COL4A2: variants seen among roughly 807,000 people sequenced by gnomAD.
COL4A2 encodes collagen type IV alpha 2 chain, also known as collagen alpha-2(IV) chain.
A neutral mutation model predicts 200.2 loss-of-function variants in COL4A2; 99 were observed. The observed-to-expected ratio is 0.49, with a 90% CI of 0.42 to 0.58. COL4A2 has a LOEUF of 0.58. Among genes scored for constraint, COL4A2 ranks in the 20% least tolerant of loss-of-function variants. The pLI is 0.00. For missense variants in COL4A2, 1,950 were observed against 2,314.1 expected, an observed-to-expected ratio of 0.84 and a Z score of 3.23; for synonymous variants, 897 against 900.6, an observed-to-expected ratio of 1.00 and a Z score of 0.07.
At chr13:110,349,007 G>A (rs187607430) in intron 3 of COL4A2, among the ~76,000 whole-genome samples, 6 of 152,280 alleles carry the variant, frequency 3.9e-5, no homozygotes, top group East Asian at 1.9e-4. Context: ...TGCAAGTTGA[G>A]AACAATGACC....
intron 15 of COL4A2, 97 bp downstream of exon 15, chr13:110,438,765 T>A: frequency 6.7e-7 from 1 of 1,482,312 alleles, no homozygotes; most frequent in Non-Finnish European, 9.4e-7. Context: ...CAGCAAAATT[T>A]AGCAGAAAGT....
intron 3 of COL4A2, among the ~76,000 whole-genome samples, chr13:110,312,090 A>C (rs1885000510): frequency 6.6e-6 from 1 of 152,226 alleles, no homozygotes; most frequent in South Asian, 2.1e-4. Flanking sequence ...CCTGGAGCTG[A>C]AGCGCTATTG....
intron 4 of COL4A2, among the ~76,000 whole-genome samples, chr13:110,375,330 T>C (rs1566499635): frequency 6.6e-6 from 1 of 152,208 alleles, no homozygotes; most frequent in Non-Finnish European, 1.5e-5. Context: ...GCGCAGTGCC[T>C]GTCACAGTGC....
chr13:110,490,139 G>A (rs1052674768), intron 36 of COL4A2, among the ~76,000 whole-genome samples: 1 of 152,124 alleles, frequency 6.6e-6, no homozygotes, highest in East Asian at 1.9e-4. Context: ...TCGCTGACCC[G>A]AGCTTCTCAG....
At chr13:110,445,468 G>A (rs141011926) in intron 16 of COL4A2, among the ~76,000 whole-genome samples, 3 of 152,306 alleles carry the variant, frequency 2.0e-5, no homozygotes, top group African/African-American at 4.8e-5. Flanking sequence ...CACCACGGGG[G>A]TGAGACTGAC....
In COL4A2 at chr13:110,499,730, T is replaced by G. The variant is rs912805675; in HGVS notation, c.3761-1938T>G. On this transcript the variant is annotated intron_variant, in intron 40 of 47. Coordinates refer to ENST00000360467, the MANE Select transcript of COL4A2 (RefSeq NM_001846.4). Reference sequence around the variant, plus strand: ...ATCCATGGGGGCTACTGAGAAATCATAGCGGTTTCCGTCTAGATTCCAGCA... The same window carrying G: ...ATCCATGGGGGCTACTGAGAAATCAGAGCGGTTTCCGTCTAGATTCCAGCA... Among the ~76,000 whole-genome samples, 21 of 152,350 alleles carry G rather than the reference T, an allele frequency of 1.4e-4. No homozygotes were observed. In the East Asian group the frequency reaches 3.9e-3, roughly 28 times the overall value.
At chr13:110,335,702 A>G (rs1203343083) in intron 3 of COL4A2, among the ~76,000 whole-genome samples, 3 of 152,214 alleles carry the variant, frequency 2.0e-5, no homozygotes, top group Non-Finnish European at 2.9e-5. Context: ...CCATCACATG[A>G]CAAGGCTTGG....
chr13:110,507,613 A>G (rs1883931078), intron 46 of COL4A2: 1 of 392,872 alleles, frequency 2.5e-6, no homozygotes, highest in Non-Finnish European at 4.7e-6. Context: ...TCTTGGGGCC[A>G]GTGCTGTTAA....
chr13:110,452,188 C>T (rs890151166), intron 20 of COL4A2, among the ~76,000 whole-genome samples: 1 of 152,194 alleles, frequency 6.6e-6, no homozygotes, highest in African/African-American at 2.4e-5. Flanking sequence ...GGCTGGAGTG[C>T]AGTGGCATGA....
chr13:110,479,690 C>T (rs908164059), intron 30 of COL4A2, among the ~76,000 whole-genome samples: 3 of 152,150 alleles, frequency 2.0e-5, no homozygotes, highest in Non-Finnish European at 2.9e-5. Context: ...AGCCCTTGGA[C>T]GGCTTGGAGT....
intron 4 of COL4A2, among the ~76,000 whole-genome samples, chr13:110,390,418 G>A (rs538667308): frequency 1.3e-5 from 2 of 152,354 alleles, no homozygotes; most frequent in South Asian, 2.1e-4. Flanking sequence ...TGGAGCCAGA[G>A]GGACTCCACA....
chr13:110,321,576 AGT>A (rs1178598719), intron 3 of COL4A2, among the ~76,000 whole-genome samples: 2 of 152,188 alleles, frequency 1.3e-5, no homozygotes, highest in Admixed American at 1.3e-4. Context: ...GGAATCAGGC[AGT>A]GTTTGTCCTT....
Position 110,446,802 on chromosome 13 carries a change from A to C in COL4A2, c.1016A>C (p.Glu339Ala), listed in dbSNP as rs755498922. The change falls in exon 18 of 48, where the codon GAA becomes GCA. Residue 339 changes from glutamate (E) to alanine (A), a missense_variant. By Grantham distance (107) the Glu-to-Ala change is moderately radical. Transcript: ENST00000360467. ...GPDGPRGPKG[E>A]AGDPGPPGLP... ...TTTTCTCTTTTCTTTCTCTAGGGAG[A>C]AGCCGGAGACCCAGGGCCCCCTGGA... 6.2e-7 allele frequency: 1 copy of C among 1,611,838 alleles called. No homozygotes were observed. The highest frequency in any genetic ancestry group is 8.5e-7 in the Non-Finnish European group (1 of 1,178,226).
chr13:110,361,003 A>C (rs1446674096), intron 4 of COL4A2, among the ~76,000 whole-genome samples: 1 of 152,252 alleles, frequency 6.6e-6, no homozygotes, highest in Admixed American at 6.5e-5. Context: ...AATTCAGGTG[A>C]GACCCTGAAC....
chr13:110,310,342 G>A (rs9559766), intron 3 of COL4A2, among the ~76,000 whole-genome samples: 14,369 of 152,218 alleles, frequency 0.094, 793 homozygotes, highest in Non-Finnish European at 0.13. Flanking sequence ...GGTGGAGTCC[G>A]GGACTCCGCC....
intron 36 of COL4A2, among the ~76,000 whole-genome samples, chr13:110,490,031 C>T (rs1227317060): frequency 1.3e-5 from 2 of 152,182 alleles, no homozygotes; most frequent in Non-Finnish European, 2.9e-5. Context: ...AGAATGGACC[C>T]TCGGTGGATG....
chr13:110,408,161 C>T (rs938047717), intron 4 of COL4A2, among the ~76,000 whole-genome samples: 4 of 152,044 alleles, frequency 2.6e-5, no homozygotes, highest in African/African-American at 9.7e-5. Context: ...TGAGGGGAAA[C>T]GCAGGCGGGT....
chr13:110,385,067 G>T (rs963985680), intron 4 of COL4A2, among the ~76,000 whole-genome samples: 1 of 152,072 alleles, frequency 6.6e-6, no homozygotes, highest in African/African-American at 2.4e-5. Context: ...GATCGAGACC[G>T]TCTTGGCTAA....
chr13:110,505,503 C>T (rs188248144), intron 45 of COL4A2, among the ~76,000 whole-genome samples: 3 of 152,124 alleles, frequency 2.0e-5, no homozygotes, highest in African/African-American at 7.2e-5. Context: ...TGGGAGCCCG[C>T]CCAGGGTAGG....
Sources: allele counts gnomAD v4.1 joint callset (sites outside exome capture counted in the v4.1 genomes callset), GRCh38; gene constraint gnomAD v4.1.1; transcripts MANE v1.5; gene names NCBI Gene and HGNC (gene_info 2026-07-23, HGNC 2026-07-21).